The following NAALADL2 variants were observed in gnomAD, a reference collection of about 807,000 sequenced individuals.
NAALADL2 encodes the protein N-acetylated alpha-linked acidic dipeptidase like 2.
A neutral mutation model predicts 87.2 loss-of-function variants in NAALADL2; 76 were observed. The observed-to-expected ratio is 0.87, with a 90% CI of 0.72 to 1.05. The LOEUF is 1.05. Ranked by LOEUF, NAALADL2 falls within the 50% of genes least tolerant of loss-of-function variation. The probability of loss-of-function intolerance (pLI) is 0.00; values close to 1 mark genes in which losing one functional copy is unlikely to be tolerated. For missense variants in NAALADL2, 1,089 were observed against 945.8 expected (o/e 1.15, Z -1.99); for synonymous variants, 354 against 331.0 (o/e 1.07, Z -0.75).
chr3:175,249,221 T>C (rs1452613312), intron 3 of NAALADL2, among the ~76,000 whole-genome samples: 1 of 152,166 alleles, frequency 6.6e-6, no homozygotes, highest in African/African-American at 2.4e-5. Context: ...CATTATACTT[T>C]ATTTTCTCCC....
At chr3:174,613,001 G>A (rs1200989565) in intron 2 of NAALADL2, among the ~76,000 whole-genome samples, 1 of 152,138 alleles carries the variant, frequency 6.6e-6, no homozygotes, top group Non-Finnish European at 1.5e-5. Flanking sequence ...TGCATTAGGG[G>A]GCACCTCAAG....
chr3:174,514,424 T>C (rs2108397570), intron 1 of NAALADL2, among the ~76,000 whole-genome samples: 1 of 152,298 alleles, frequency 6.6e-6, no homozygotes, highest in South Asian at 2.1e-4. Context: ...CCAGTTGCTA[T>C]ATAAAATTCC....
chr3:175,062,986 C>T lies in NAALADL2; in HGVS notation c.44-33804C>T, dbSNP rs181962214. On this transcript the variant is annotated intron_variant, in intron 1 of 13. Transcript: ENST00000454872. ...GTTTATTTACTAAATAAATTTTTTA[C>T]TTGTAAACTCTGTGATAATAATGTA... Among the ~76,000 whole-genome samples, 434 of 152,158 alleles carry T rather than the reference C, an allele frequency of 2.9e-3. 1 individual carries two copies. Among genetic ancestry groups the T allele is most frequent in the Non-Finnish European group, 5.3e-3 (359 of 67,990 alleles).
intron 1 of NAALADL2, among the ~76,000 whole-genome samples, chr3:174,962,264 A>G (rs1742118533): frequency 6.6e-6 from 1 of 150,728 alleles, no homozygotes; most frequent in Non-Finnish European, 1.5e-5. Flanking sequence ...AGAACCACCC[A>G]GCTAAGTTGT....
At chr3:175,617,315 A>T (rs1034635283) in intron 10 of NAALADL2, among the ~76,000 whole-genome samples, 1 of 152,110 alleles carries the variant, frequency 6.6e-6, no homozygotes, top group Non-Finnish European at 1.5e-5. Flanking sequence ...GGTCTGAACC[A>T]TTGGAGCTAG....
At chr3:175,121,736 C>G (rs568425088) in intron 2 of NAALADL2, among the ~76,000 whole-genome samples, 3 of 151,942 alleles carry the variant, frequency 2.0e-5, no homozygotes, top group East Asian at 3.9e-4. Context: ...CCACAGAGCA[C>G]AGAGCCAAGA....
At position 174,505,213 on chromosome 3, in the gene NAALADL2, A is replaced by T. The variant is rs376211484; in HGVS notation, c.-183-45356A>T. On this transcript the variant is annotated intron_variant, in intron 1 of 3. Coordinates refer to the NAALADL2 transcript ENST00000434257. The stretch of plus-strand genomic sequence containing the variant: ...CTTCACCACTATCTCCATAATCTCT[A>T]CTTCACTGAGTTTCATCCAGGTGCA... Among the ~76,000 whole-genome samples, 5 of 152,256 alleles carry T rather than the reference A, an allele frequency of 3.3e-5. No homozygotes were observed. The East Asian group carries it at 9.7e-4, about 29-fold the overall frequency.
chr3:175,368,831 C>A (rs569285748), intron 5 of NAALADL2, among the ~76,000 whole-genome samples: 5 of 151,950 alleles, frequency 3.3e-5, no homozygotes, highest in Admixed American at 1.3e-4. Flanking sequence ...TAGGCAATTA[C>A]AATGCAGTGG....
At chr3:175,343,621 G>A (rs965363868) in intron 5 of NAALADL2, among the ~76,000 whole-genome samples, 4 of 137,252 alleles carry the variant, frequency 2.9e-5, no homozygotes, top group African/African-American at 1.0e-4. Context: ...AGTCTTCTAC[G>A]GGTCTGCCTG....
At chr3:175,013,254 TATAC>T (rs1190751175) in intron 1 of NAALADL2, among the ~76,000 whole-genome samples, 12 of 97,586 alleles carry the variant, frequency 1.2e-4, no homozygotes, top group African/African-American at 5.8e-4. Context: ...AAATATATAA[TATAC>T]ATATATTTTT....
At chr3:175,513,449 A>G (rs772387916) in intron 9 of NAALADL2, among the ~76,000 whole-genome samples, 1 of 152,126 alleles carries the variant, frequency 6.6e-6, no homozygotes. Context: ...ACTGAAAATT[A>G]TTTTCTGGTC....
chr3:175,140,860 G>A (rs1729889547), intron 2 of NAALADL2, among the ~76,000 whole-genome samples: 2 of 152,082 alleles, frequency 1.3e-5, no homozygotes, highest in Non-Finnish European at 2.9e-5. Context: ...GACACAAGTT[G>A]AGCATGATCC....
intron 5 of NAALADL2, among the ~76,000 whole-genome samples, chr3:175,439,010 C>A (rs1719230406): frequency 6.6e-6 from 1 of 152,136 alleles, no homozygotes; most frequent in South Asian, 2.1e-4. Flanking sequence ...CCCTCCCATC[C>A]TTTCCCTCAA....
intron 11 of NAALADL2, among the ~76,000 whole-genome samples, chr3:175,649,560 G>A (rs1325464374): frequency 6.6e-6 from 1 of 152,114 alleles, no homozygotes; most frequent in Non-Finnish European, 1.5e-5. Flanking sequence ...GTTGGTATCT[G>A]GTAAGAGTCT....
At position 175,234,179 on chromosome 3, in the gene NAALADL2, C is replaced by G. The variant is rs1745446051; in HGVS notation, c.794C>G (p.Ala265Gly). ...SSQDLLYSYA[A>G]YSAKGTLKAE... ...CAAGACCTGCTCTATTCATATGCAG[C>G]CTATTCTGCCAAAGGAACTCTCAAG... is the stretch of plus-strand genomic sequence containing the variant. The change falls in exon 3 of 14, where the codon GCC (alanine) becomes GGC (glycine). Residue 265 changes from alanine to glycine, a missense_variant. Physicochemically the swap from Ala to Gly is moderately conservative, Grantham distance 60 (BLOSUM62 0). Coordinates refer to ENST00000454872, the MANE Select transcript of NAALADL2 (RefSeq NM_207015.3). 1 of 1,613,550 alleles carries G rather than the reference C, an allele frequency of 6.2e-7. No homozygotes were observed. The highest frequency in any genetic ancestry group is 8.5e-7 in the Non-Finnish European group (1 of 1,179,740).
At chr3:175,473,083 T>A (rs1725129165) in intron 9 of NAALADL2, among the ~76,000 whole-genome samples, 1 of 152,136 alleles carries the variant, frequency 6.6e-6, no homozygotes, top group Non-Finnish European at 1.5e-5. Context: ...TCATTGAAAT[T>A]GATGGGTAAA....
At chr3:175,579,496 T>C (rs1279714630) in intron 10 of NAALADL2, among the ~76,000 whole-genome samples, 3 of 152,240 alleles carry the variant, frequency 2.0e-5, no homozygotes, top group African/African-American at 7.2e-5. Context: ...CTTTAGCTTT[T>C]CTTGGCCTCT....
intron 6 of NAALADL2, among the ~76,000 whole-genome samples, chr3:175,461,667 C>A (rs1723148614): frequency 6.6e-6 from 1 of 151,326 alleles, no homozygotes; most frequent in African/African-American, 2.5e-5. Flanking sequence ...TTTCTCGCTG[C>A]TAACTTAGAC....
chr3:175,124,434 C>T (rs1726620911), intron 2 of NAALADL2: 1 of 151,888 alleles, frequency 6.6e-6, no homozygotes, highest in African/African-American at 2.4e-5. Context: ...ATTAGAAAGC[C>T]ACCACAGATC....
Sources: allele counts gnomAD v4.1 joint callset (sites outside exome capture counted in the v4.1 genomes callset), GRCh38; gene constraint gnomAD v4.1.1; transcripts MANE v1.5; gene names NCBI Gene and HGNC (gene_info 2026-07-23, HGNC 2026-07-21).